Variants in TEAD1 observed in about 807,000 individuals in gnomAD.
TEAD1 encodes the protein TEA domain transcription factor 1.
TEAD1 carries 9 observed loss-of-function variants against 54.9 expected under a neutral mutation model. The ratio of observed to expected loss-of-function variants is 0.16; its 90% CI spans 0.10 to 0.29. TEAD1 has a LOEUF of 0.29. TEAD1 is among the 10% of genes least tolerant of loss of function. The pLI is 1.00. For missense variants in TEAD1, 387 were observed against 535.9 expected, an observed-to-expected ratio of 0.72 and a Z score of 2.74; for synonymous variants, 200 against 187.8, an observed-to-expected ratio of 1.07 and a Z score of -0.53.
chr11:12,831,594 A>G (rs879364701), intron 3 of TEAD1, among the ~76,000 whole-genome samples: 1 of 152,138 alleles, frequency 6.6e-6, no homozygotes, highest in African/African-American at 2.4e-5. Flanking sequence ...CCTGGCTGAT[A>G]TAGTGAGACC....
rs140252385 is a variant in TEAD1 at position 12,712,193 on chromosome 11, G to A, written c.-55+36632G>A. ...CTCCCTCTTCTCTGTCCGTCTGCCC[G>A]TCCATCCATCCATCCATCCAATAAT... On this transcript the variant is annotated intron_variant, in intron 2 of 12. Coordinates refer to ENST00000527636, the MANE Select transcript of TEAD1 (RefSeq NM_021961.6). Among the ~76,000 whole-genome samples the A allele has an allele frequency of 3.5e-4, 54 of 152,146 alleles. No homozygotes were observed. In the East Asian group the frequency reaches 6.6e-3, roughly 19 times the overall value.
chr11:12,739,568 C>T (rs1944610813), intron 2 of TEAD1, among the ~76,000 whole-genome samples: 1 of 152,182 alleles, frequency 6.6e-6, no homozygotes, highest in East Asian at 1.9e-4. Flanking sequence ...ATTCACTTAG[C>T]ATAATCTCCA....
intron 9 of TEAD1, among the ~76,000 whole-genome samples, chr11:12,888,085 T>C (rs567108112): frequency 6.6e-6 from 1 of 152,370 alleles, no homozygotes; most frequent in East Asian, 1.9e-4. Context: ...AGTGACTTCT[T>C]TCATCTTTAT....
chr11:12,865,101 G>A lies in TEAD1; in HGVS notation c.330+201G>A, dbSNP rs1262881833. The A allele has an allele frequency of 4.6e-6, 3 of 655,586 alleles. No homozygotes were observed. In the South Asian group the frequency reaches 5.0e-5, roughly 11 times the overall value. 40.6% of individuals were successfully genotyped at this position (655,586 alleles called of 1,614,324 possible). A position where few individuals can be genotyped will look rare whatever the true frequency, so the allele number is the denominator to read the frequency against. On this transcript the variant is annotated intron_variant, in intron 5 of 12. Transcript: ENST00000527636. ...ACTCAATGTGTGTGAGCGCGTGTGT[G>A]TGTTTGCGTGTGTGTGTGCGTGTGT...
chr11:12,807,630 A>G (rs963701541), intron 3 of TEAD1, among the ~76,000 whole-genome samples: 5 of 152,258 alleles, frequency 3.3e-5, no homozygotes, highest in South Asian at 4.1e-4. Flanking sequence ...ATTAATCACT[A>G]TTAGCTCACT....
intron 2 of TEAD1, among the ~76,000 whole-genome samples, chr11:12,730,564 G>A (rs1379686489): frequency 1.3e-5 from 2 of 151,720 alleles, no homozygotes; most frequent in African/African-American, 4.8e-5. Flanking sequence ...CTAGAGCAGC[G>A]ATGGCTCAAG....
chr11:12,740,344 A>ATTATTGCTAGTGTAATG (rs1278526250), intron 2 of TEAD1, among the ~76,000 whole-genome samples: 16 of 152,226 alleles, frequency 1.1e-4, no homozygotes, highest in Non-Finnish European at 2.9e-5. Flanking sequence ...ACTGTGATTG[A>ATTATTGCTAGTGTAATG]TTATTGCTAG....
intron 7 of TEAD1, among the ~76,000 whole-genome samples, chr11:12,881,649 G>A (rs1053415058): frequency 6.6e-6 from 1 of 152,210 alleles, no homozygotes; most frequent in African/African-American, 2.4e-5. Flanking sequence ...CACAGCACAA[G>A]GAATTCAGGC....
intron 3 of TEAD1, among the ~76,000 whole-genome samples, chr11:12,813,987 A>G (rs1274482418): frequency 2.6e-5 from 4 of 152,150 alleles, no homozygotes; most frequent in Admixed American, 2.6e-4. Context: ...AAGTGCTGCA[A>G]GGAGGATGTT....
intron 3 of TEAD1, among the ~76,000 whole-genome samples, chr11:12,788,533 T>C (rs1490531014): frequency 6.6e-6 from 1 of 152,222 alleles, no homozygotes; most frequent in Non-Finnish European, 1.5e-5. Context: ...AAATTTTTGG[T>C]ATATCCACAA....
At chr11:12,810,271 G>A (rs748934188) in intron 3 of TEAD1, among the ~76,000 whole-genome samples, 5 of 152,028 alleles carry the variant, frequency 3.3e-5, no homozygotes, top group African/African-American at 9.6e-5. Flanking sequence ...GAGCCACTGC[G>A]CCCTTCCTCT....
At chr11:12,746,946 C>T (rs1944757862) in intron 2 of TEAD1, among the ~76,000 whole-genome samples, 2 of 152,280 alleles carry the variant, frequency 1.3e-5, no homozygotes, top group East Asian at 1.9e-4. Context: ...TGCGGCTCAG[C>T]AGGTGGCAGG....
intron 2 of TEAD1, among the ~76,000 whole-genome samples, chr11:12,754,326 C>T (rs1944940813): frequency 6.6e-6 from 1 of 152,194 alleles, no homozygotes; most frequent in South Asian, 2.1e-4. Flanking sequence ...TCTGCCTCTG[C>T]CTCTGCCCCG....
Position 12,937,259 on chromosome 11 carries a change from A to G in TEAD1, c.*37A>G, listed in dbSNP as rs111478525. 6.4e-6 allele frequency: 9 copies of G among 1,402,646 alleles called. No individual in the cohort carries two copies. The African/African-American group carries it at 7.2e-5, about 11-fold the overall frequency. The allele number at this position is 1,402,646 out of a possible 1,614,324, so 86.9% of individuals were successfully genotyped here. ...TATATATATAGATATCTGTATATAC[A>G]CACACACATATGTGCACACACACAC... On this transcript the variant is annotated 3_prime_UTR_variant, in exon 13 of 13. Coordinates refer to ENST00000527636, the MANE Select transcript of TEAD1 (RefSeq NM_021961.6).
intron 2 of TEAD1, among the ~76,000 whole-genome samples, chr11:12,740,003 T>C (rs1244826376): frequency 2.0e-5 from 3 of 152,196 alleles, no homozygotes; most frequent in African/African-American, 7.2e-5. Context: ...TGAATCGGCC[T>C]CTGAAGTATT....
At chr11:12,759,953 A>G (rs746691192) in intron 2 of TEAD1, among the ~76,000 whole-genome samples, 6 of 152,278 alleles carry the variant, frequency 3.9e-5, no homozygotes, top group Non-Finnish European at 7.3e-5. Context: ...CCTGAACCAC[A>G]CTGCCCATAA....
chr11:12,789,536 G>A (rs1354259043), intron 3 of TEAD1, among the ~76,000 whole-genome samples: 4 of 152,196 alleles, frequency 2.6e-5, no homozygotes, highest in African/African-American at 9.7e-5. Flanking sequence ...TACCTTGAGA[G>A]AGGGAGCAGA....
At chr11:12,696,387 A>G (rs190414062) in intron 2 of TEAD1, among the ~76,000 whole-genome samples, 1 of 152,334 alleles carries the variant, frequency 6.6e-6, no homozygotes, top group Admixed American at 6.5e-5. Flanking sequence ...CTCACACTGT[A>G]GTTCAGGGAG....
intron 2 of TEAD1, among the ~76,000 whole-genome samples, chr11:12,726,706 T>G (rs1208411114): frequency 6.6e-6 from 1 of 152,028 alleles, no homozygotes; most frequent in Non-Finnish European, 1.5e-5. Context: ...AATACAAAAA[T>G]TAACCAGGCG....
Sources: allele counts gnomAD v4.1 joint callset (sites outside exome capture counted in the v4.1 genomes callset), GRCh38; gene constraint gnomAD v4.1.1; transcripts MANE v1.5; gene names NCBI Gene and HGNC (gene_info 2026-07-23, HGNC 2026-07-21).